SLC41A3: variants seen among roughly 807,000 people sequenced by gnomAD.
SLC41A3 encodes solute carrier family 41 member 3.
In SLC41A3, 44 loss-of-function variants were observed where a neutral mutation model predicts 45.4. The ratio of observed to expected loss-of-function variants is 0.97; its 90% CI spans 0.76 to 1.25. The LOEUF (loss-of-function observed/expected upper bound fraction) is 1.25. Ranked by LOEUF, SLC41A3 falls within the 50% of genes most tolerant of loss-of-function variation. The probability of loss-of-function intolerance (pLI) is 0.00; values close to 1 mark genes in which losing one functional copy is unlikely to be tolerated. For missense variants in SLC41A3, 550 were observed against 600.6 expected, an observed-to-expected ratio of 0.92 and a Z score of 0.88; for synonymous variants, 256 against 252.4, an observed-to-expected ratio of 1.01 and a Z score of -0.13.
intron 5 of SLC41A3, 118 bp from the exon 6 acceptor site, chr3:126,023,050 G>A: frequency 7.1e-7 from 1 of 1,403,260 alleles, no homozygotes; most frequent in Non-Finnish European, 9.7e-7. Context: ...GTGGCAGGGA[G>A]GCTGCTCATT....
chr3:126,087,604 A>G (rs146091446), upstream of SLC41A3, among the ~76,000 whole-genome samples: 239 of 152,062 alleles, frequency 1.6e-3, 1 homozygote, highest in Middle Eastern at 0.011. Context: ...AGACATAAAG[A>G]GGTAATTTTT....
At chr3:126,064,574 TCAC>T (rs1944254568) in intron 2 of SLC41A3, among the ~76,000 whole-genome samples, 1 of 151,960 alleles carries the variant, frequency 6.6e-6, no homozygotes, top group South Asian at 2.1e-4. Flanking sequence ...CTCCCCACCC[TCAC>T]CAGCAGAGTA....
intron 3 of SLC41A3, among the ~76,000 whole-genome samples, chr3:126,048,903 T>C (rs1943139577): frequency 6.6e-6 from 1 of 150,524 alleles, no homozygotes; most frequent in African/African-American, 2.5e-5. Flanking sequence ...GTTATCAATT[T>C]ATACCTTAAG....
intron 2 of SLC41A3, among the ~76,000 whole-genome samples, chr3:126,051,394 G>T (rs1360621270): frequency 6.6e-6 from 1 of 152,130 alleles, no homozygotes; most frequent in Non-Finnish European, 1.5e-5. Flanking sequence ...CATGAATGGG[G>T]AGGCCTAGAA....
chr3:126,020,066 C>A (rs1296688411), intron 6 of SLC41A3, among the ~76,000 whole-genome samples: 1 of 152,158 alleles, frequency 6.6e-6, no homozygotes, highest in Non-Finnish European at 1.5e-5. Flanking sequence ...GCTTCCAAGG[C>A]CCTTGCTCTC....
Position 126,026,597 on chromosome 3 carries a change from C to A in SLC41A3, c.454-118G>T. On this transcript the variant is annotated intron_variant, in intron 4 of 10. Transcript: ENST00000360370. This position sits in a 1 kb window ranked among gnomAD's most constrained non-coding sequence, Gnocchi z 4.2. ...TGCCACATGCTACTGCCTCCTTTCC[C>A]TTACCCTAAAATCTCACAGGCCCTC... 7.5e-7 allele frequency: 1 copy of A among 1,324,590 alleles called. No individual in the cohort carries two copies. The highest frequency in any genetic ancestry group is 1.5e-5 in the South Asian group (1 of 68,744). The allele number at this position is 1,324,590 out of a possible 1,614,324, so 82.1% of individuals were successfully genotyped here.
rs1173427441 is a variant in SLC41A3, at chr3:126,067,101, G to GC, written c.273+845dup. On this transcript the variant is annotated intron_variant, in intron 2 of 10. Coordinates refer to ENST00000360370, the MANE Select transcript of SLC41A3 (RefSeq NM_017836.4). ...GGTCTGTGGGTTGGACCGCCCCCCC[G>GC]CCCCCCGCCCCGGCCACCGCACCAC... Among the ~76,000 whole-genome samples, 14 of 80,696 alleles carry GC rather than the reference G, an allele frequency of 1.7e-4. 2 individuals are homozygous for GC. Among genetic ancestry groups the GC allele is most frequent in the South Asian group, 4.1e-4 (1 of 2,426 alleles). The allele number at this position is 80,696 out of a possible 152,430, so 52.9% of individuals were successfully genotyped here.
intron 2 of SLC41A3, among the ~76,000 whole-genome samples, chr3:126,056,036 T>C (rs1046974674): frequency 4.6e-5 from 7 of 152,138 alleles, no homozygotes; most frequent in African/African-American, 1.7e-4. Flanking sequence ...TCCCCTCCAC[T>C]GGTGAGTGGC....
intron 1 of SLC41A3, among the ~76,000 whole-genome samples, chr3:126,075,395 T>C (rs1944832415): frequency 6.6e-6 from 1 of 151,980 alleles, no homozygotes; most frequent in Non-Finnish European, 1.5e-5. Flanking sequence ...CTATAAAACA[T>C]TGATCTCCAG....
At chr3:126,099,799 A>G (rs962578655) in intron 1 of SLC41A3, among the ~76,000 whole-genome samples, 6 of 152,246 alleles carry the variant, frequency 3.9e-5, no homozygotes, top group African/African-American at 1.4e-4. Flanking sequence ...CCAAAACTTT[A>G]TAACTGCGTT....
intron 3 of SLC41A3, among the ~76,000 whole-genome samples, chr3:126,040,157 G>T (rs1942489461): frequency 6.6e-6 from 1 of 152,172 alleles, no homozygotes. Context: ...ATAAATATGG[G>T]TGCTGGCTTT....
chr3:126,071,365 T>C (rs1393578804), intron 1 of SLC41A3, among the ~76,000 whole-genome samples: 1 of 152,092 alleles, frequency 6.6e-6, no homozygotes, highest in Non-Finnish European at 1.5e-5. Flanking sequence ...CTATAACAAT[T>C]ACAAACGTAC....
intron 7 of SLC41A3, among the ~76,000 whole-genome samples, chr3:126,016,387 G>A (rs1940285994): frequency 6.6e-6 from 1 of 152,212 alleles, no homozygotes; most frequent in Admixed American, 6.5e-5. Flanking sequence ...CAGGGATCTG[G>A]GCCAGCAAAG....
At chr3:126,013,913 T>C (rs1251330018) in intron 8 of SLC41A3, among the ~76,000 whole-genome samples, 5 of 152,112 alleles carry the variant, frequency 3.3e-5, no homozygotes, top group Admixed American at 6.5e-5. Context: ...CAGAAAACCA[T>C]GAGCACATGC....
intron 3 of SLC41A3, among the ~76,000 whole-genome samples, chr3:126,048,642 ATTC>A (rs1943120204): frequency 6.6e-6 from 1 of 152,238 alleles, no homozygotes; most frequent in Non-Finnish European, 1.5e-5. Context: ...TAAATAAAAT[ATTC>A]TTCTGTTTCA....
chr3:126,016,187 G>C (rs1267213899), intron 7 of SLC41A3, among the ~76,000 whole-genome samples: 1 of 152,230 alleles, frequency 6.6e-6, no homozygotes, highest in East Asian at 1.9e-4. Context: ...TCAACTCTCA[G>C]GAAATGAGCC....
chr3:126,074,185 T>TA (rs775939200), intron 1 of SLC41A3, among the ~76,000 whole-genome samples: 3 of 151,910 alleles, frequency 2.0e-5, no homozygotes, highest in Non-Finnish European at 2.9e-5. Flanking sequence ...TAGATGCCCT[T>TA]AGTCAGGATG....
chr3:126,044,634 G>A (rs1171837550), intron 3 of SLC41A3, among the ~76,000 whole-genome samples: 1 of 152,074 alleles, frequency 6.6e-6, no homozygotes, highest in African/African-American at 2.4e-5. Flanking sequence ...AGTGGCTCAC[G>A]CCTGTAATCC....
intron 1 of SLC41A3, among the ~76,000 whole-genome samples, chr3:126,076,830 T>G (rs1375452997): frequency 6.6e-6 from 1 of 152,232 alleles, no homozygotes; most frequent in Non-Finnish European, 1.5e-5. Flanking sequence ...ATCAACAAAG[T>G]AACACTCCAC....
Sources: gnomAD v4.1 joint callset for allele counts (sites outside exome capture counted in the v4.1 genomes callset) on GRCh38, gnomAD v4.1.1 for gene constraint, Gnocchi (gnomAD v3.1) non-coding constraint, MANE v1.5 for transcripts, NCBI Gene and HGNC (gene_info 2026-07-23, HGNC 2026-07-21) for gene names.